The following MRC1 variants were observed in gnomAD, a reference collection of about 807,000 sequenced individuals.
The protein encoded by MRC1 is mannose receptor C-type 1.
Under a neutral mutation model 102.9 loss-of-function variants are expected in MRC1, and 62 were observed. The observed-to-expected ratio is 0.60, with a 90% CI of 0.49 to 0.74. The LOEUF is 0.74. Among genes scored for constraint, MRC1 ranks in the 30% least tolerant of loss-of-function variants. The pLI is 0.00. For synonymous variants in MRC1, 457 were observed against 298.4 expected (o/e 1.53, Z -5.48); for missense variants, 1,237 against 862.8 (o/e 1.43, Z -5.43).
intron 1 of MRC1, among the ~76,000 whole-genome samples, chr10:17,822,585 C>T (rs1838412439): frequency 6.6e-6 from 1 of 152,242 alleles, no homozygotes; most frequent in Non-Finnish European, 1.5e-5. Flanking sequence ...TGCACCACTG[C>T]ACTCCAGCCT....
chr10:17,866,477 G>A, intron 11 of MRC1, 85 bp from the exon 12 acceptor site: 2 of 780,280 alleles, frequency 2.6e-6, no homozygotes, highest in Admixed American at 3.4e-5. Context: ...GAACCCTGAT[G>A]CTCGGTTCTG....
At chr10:17,855,023 G>A (rs931756465) in intron 8 of MRC1, among the ~76,000 whole-genome samples, 4 of 152,102 alleles carry the variant, frequency 2.6e-5, no homozygotes, top group South Asian at 2.1e-4. Flanking sequence ...GTTTAGCAGC[G>A]AAGGGAAGGA....
At chr10:17,844,282 G>A (rs1838793237) in intron 5 of MRC1, among the ~76,000 whole-genome samples, 2 of 152,058 alleles carry the variant, frequency 1.3e-5, no homozygotes, top group African/African-American at 4.8e-5. Context: ...GCAGTGGTGT[G>A]ATCTCCACTC....
At position 17,856,260 on chromosome 10, in the gene MRC1, C is replaced by T. The variant is rs782693726; in HGVS notation, c.1426C>T (p.Arg476Trp). ...CCTGCAGGATGGGTACTGGGCAGAT[C>T]GGGGCTGTGAGTGGCCTCTTGGCTA... The part of the protein sequence containing the change: ...MKGKDGYWAD[R>W]GCEWPLGYIC... The change falls in exon 9 of 30, where the codon CGG becomes TGG. Residue 476 changes from arginine (R) to tryptophan (W), a missense_variant. Physicochemically the swap from Arg to Trp is moderately radical, Grantham distance 101 (BLOSUM62 -3). Coordinates refer to ENST00000569591, the MANE Select transcript of MRC1 (RefSeq NM_002438.4). 14 of 864,710 alleles carry T rather than the reference C, an allele frequency of 1.6e-5. No homozygotes were observed. The highest frequency in any genetic ancestry group is 7.2e-5 in the East Asian group (3 of 41,504). The allele number at this position is 864,710 out of a possible 1,614,324, so 53.6% of individuals were successfully genotyped here.
rs1589198703 is a variant in MRC1, at chr10:17,909,301, C to A, written c.4079-5C>A. ...TTTTATAAATTTTTTTTTTTTTACA[C>A]ACAGTTATTGATGCTAAACCTACTC... On this transcript the variant is annotated splice_polypyrimidine_tract_variant and splice_region_variant and intron_variant, in intron 28 of 29. Transcript: ENST00000569591. 1.2e-6 allele frequency: 1 copy of A among 865,092 alleles called. No individual in the cohort carries two copies. Among genetic ancestry groups the A allele is most frequent in the Non-Finnish European group, 2.0e-6 (1 of 498,098 alleles). 53.6% of individuals were successfully genotyped at this position (865,092 alleles called of 1,614,324 possible). A position where few individuals can be genotyped will look rare whatever the true frequency, so the allele number is the denominator to read the frequency against.
intron 12 of MRC1, 119 bp from the exon 13 acceptor site, chr10:17,870,127 G>T: frequency 2.9e-6 from 2 of 684,480 alleles, no homozygotes; most frequent in Non-Finnish European, 5.3e-6. Flanking sequence ...ACATTGTTTT[G>T]AGTCATTACA....
At chr10:17,894,394 CTTTTTTT>C (rs34625338) in intron 23 of MRC1, 82 bp downstream of exon 23, 32 of 406,226 alleles carry the variant, frequency 7.9e-5, no homozygotes, top group East Asian at 2.7e-4. Context: ...TTCTTTCTTT[CTTTTTTT>C]TTTTTTTTTT....
intron 1 of MRC1, among the ~76,000 whole-genome samples, chr10:17,819,014 A>G (rs1276766881): frequency 1.3e-5 from 2 of 152,210 alleles, no homozygotes; most frequent in Non-Finnish European, 2.9e-5. Context: ...TCCTGGGTAC[A>G]GTGGTTCCCT....
At chr10:17,855,917 C>A (rs1379386833) in intron 8 of MRC1, among the ~76,000 whole-genome samples, 1 of 152,010 alleles carries the variant, frequency 6.6e-6, no homozygotes, top group African/African-American at 2.4e-5. Context: ...GCCTGTAATC[C>A]CAGCACTTTG....
chr10:17,832,132 G>C lies in MRC1; in HGVS notation c.638-1543G>C, dbSNP rs1029906071. ...CAGGCCAGTCTGTCTGCAGGAGTCCGTGACCTTCCCTGCTGACAATCTTAT... is the reference window on the plus strand; with the variant it reads ...CAGGCCAGTCTGTCTGCAGGAGTCCCTGACCTTCCCTGCTGACAATCTTAT... On this transcript the variant is annotated intron_variant, in intron 3 of 29. Transcript: ENST00000569591. 4.8e-3 allele frequency among the ~76,000 whole-genome samples: 724 copies of C among 151,660 alleles called. 43 individuals carry two copies. The highest frequency in any genetic ancestry group is 0.017 in the African/African-American group (702 of 40,920).
At chr10:17,864,478 T>G (rs1302256122) in intron 11 of MRC1, among the ~76,000 whole-genome samples, 3 of 152,328 alleles carry the variant, frequency 2.0e-5, no homozygotes, top group Admixed American at 1.3e-4. Context: ...TTATTTGCCT[T>G]GGATTTTATT....
chr10:17,866,478 C>G (rs756772548), intron 11 of MRC1, 84 bp from the exon 12 acceptor site: 379,239 of 779,834 alleles, frequency 0.49, 95,053 homozygotes, highest in East Asian at 0.58. Context: ...AACCCTGATG[C>G]TCGGTTCTGA....
chr10:17,827,372 CAAAAAAAAAAAAAAAAA>C (rs782616938), intron 2 of MRC1, among the ~76,000 whole-genome samples, 153 bp from the exon 3 acceptor site: 28 of 64,030 alleles, frequency 4.4e-4, no homozygotes, highest in African/African-American at 8.6e-4. Context: ...AAAAAATACC[CAAAAAAAAAAAAAAAAA>C]AAAAAAAAAA....
chr10:17,860,491 T>C (rs1224725742), intron 9 of MRC1, among the ~76,000 whole-genome samples: 1 of 152,186 alleles, frequency 6.6e-6, no homozygotes, highest in Non-Finnish European at 1.5e-5. Context: ...TTGCCCAGGC[T>C]GGTCTTGAAC....
intron 1 of MRC1, among the ~76,000 whole-genome samples, chr10:17,815,338 C>T (rs1402919483): frequency 2.6e-5 from 4 of 152,080 alleles, no homozygotes; most frequent in African/African-American, 4.8e-5. Flanking sequence ...ATAAGGTGAA[C>T]GAATTAGTGG....
At chr10:17,867,093 C>T (rs1833280443) in intron 12 of MRC1, among the ~76,000 whole-genome samples, 1 of 146,100 alleles carries the variant, frequency 6.8e-6, no homozygotes, top group Non-Finnish European at 1.5e-5. Flanking sequence ...TGCCCTCTTC[C>T]TCCTTCCCTT....
At chr10:17,877,034 A>C (rs1256662182) in intron 17 of MRC1, among the ~76,000 whole-genome samples, 1 of 151,188 alleles carries the variant, frequency 6.6e-6, no homozygotes, top group East Asian at 1.9e-4. Flanking sequence ...CCTTGCTTTG[A>C]AACTCTCAAG....
At chr10:17,850,932 C>A (rs1157306155) in intron 7 of MRC1, among the ~76,000 whole-genome samples, 2 of 152,216 alleles carry the variant, frequency 1.3e-5, no homozygotes, top group African/African-American at 2.4e-5. Flanking sequence ...ACGAGAATAG[C>A]CCAGCTGCAG....
chr10:17,824,786 G>A (rs1293993316), intron 2 of MRC1, among the ~76,000 whole-genome samples: 1 of 152,090 alleles, frequency 6.6e-6, no homozygotes, highest in East Asian at 1.9e-4. Flanking sequence ...TAAGAAATCG[G>A]ATTTTTATTT....
Sources: allele counts gnomAD v4.1 joint callset (sites outside exome capture counted in the v4.1 genomes callset), GRCh38; gene constraint gnomAD v4.1.1; transcripts MANE v1.5; gene names NCBI Gene and HGNC (gene_info 2026-07-23, HGNC 2026-07-21).